The following FBXO4 variants were observed in gnomAD, a reference collection of about 807,000 sequenced individuals.
FBXO4 encodes F-box protein 4, also known as F-box only protein 4.
In FBXO4, 36 loss-of-function variants were observed where a neutral mutation model predicts 43.7. That is an observed-to-expected ratio of 0.82 (90% confidence interval 0.63 to 1.09). FBXO4 has a LOEUF of 1.09. Ranked by LOEUF, FBXO4 falls within the 50% of genes least tolerant of loss-of-function variation. The pLI is 0.00. For synonymous variants in FBXO4, 180 were observed against 165.6 expected (o/e 1.09, Z -0.67); for missense variants, 435 against 474.1 (o/e 0.92, Z 0.77).
the FBXO4 span, among the ~76,000 whole-genome samples, chr5:42,030,344 C>T: frequency 2.0e-4 from 31 of 152,086 alleles, no homozygotes; most frequent in Non-Finnish European, 4.0e-4. Context: ...CTGACAAAAA[C>T]AAGAAATGGG....
chr5:41,988,938 A>G, the FBXO4 span, among the ~76,000 whole-genome samples: 2 of 152,222 alleles, frequency 1.3e-5, no homozygotes, highest in East Asian at 3.8e-4. Context: ...AAAGCTGTGG[A>G]AAGCACTTAA....
At chr5:41,979,423 G>T in the FBXO4 span, among the ~76,000 whole-genome samples, 4 of 152,140 alleles carry the variant, frequency 2.6e-5, no homozygotes, top group African/African-American at 9.7e-5. Context: ...ACCTACCACT[G>T]ATTATGTTAT....
At chr5:42,019,307 A>G in the FBXO4 span, among the ~76,000 whole-genome samples, 3 of 152,206 alleles carry the variant, frequency 2.0e-5, no homozygotes, top group African/African-American at 7.2e-5. Context: ...TATATAGATT[A>G]CATGATGAAA....
the FBXO4 span, among the ~76,000 whole-genome samples, chr5:41,955,336 T>C: frequency 6.6e-6 from 1 of 152,168 alleles, no homozygotes; most frequent in Non-Finnish European, 1.5e-5. Context: ...TAAAAAAGAA[T>C]GATACAAAGA....
chr5:42,032,038 ACT>A, the FBXO4 span, among the ~76,000 whole-genome samples: 2 of 114,496 alleles, frequency 1.7e-5, no homozygotes, highest in South Asian at 3.1e-4. Context: ...TCTCTCTCTC[ACT>A]CTCTCTGTCT....
the FBXO4 span, among the ~76,000 whole-genome samples, chr5:41,961,115 A>G: frequency 5.5e-4 from 83 of 152,134 alleles, no homozygotes; most frequent in African/African-American, 1.9e-3. Context: ...CGTGGGGTGC[A>G]GTGATTTGTC....
chr5:41,964,324 C>T, the FBXO4 span, among the ~76,000 whole-genome samples: 7 of 151,660 alleles, frequency 4.6e-5, no homozygotes, highest in African/African-American at 1.5e-4. Flanking sequence ...TTTTACTTTA[C>T]TTGAAAGTAT....
chr5:41,949,592 A>G, the FBXO4 span, among the ~76,000 whole-genome samples: 1 of 152,246 alleles, frequency 6.6e-6, no homozygotes, highest in Non-Finnish European at 1.5e-5. Context: ...AAAATATTCC[A>G]TGCTCATGGA....
At chr5:41,929,669 A>C (rs1371547485) in intron 2 of FBXO4, 28 bp from the exon 3 acceptor site, 17 of 1,517,242 alleles carry the variant, frequency 1.1e-5, no homozygotes, top group Non-Finnish European at 1.5e-5. Context: ...TTCTGTGTTA[A>C]TGTTCTAATT....
At chr5:41,971,205 GGTGTGTGTGT>G in the FBXO4 span, among the ~76,000 whole-genome samples, 1 of 147,368 alleles carries the variant, frequency 6.8e-6, no homozygotes, top group African/African-American at 2.5e-5. Context: ...ACTAGAGAGA[GGTGTGTGTGT>G]GTGTGTGTGT....
At chr5:42,011,317 C>T in the FBXO4 span, among the ~76,000 whole-genome samples, 2 of 152,082 alleles carry the variant, frequency 1.3e-5, no homozygotes, top group Admixed American at 6.6e-5. Context: ...CTAGCTCTCT[C>T]GGGACTGCAT....
chr5:41,937,601 T>C (rs1361364407), intron 5 of FBXO4, among the ~76,000 whole-genome samples: 1 of 152,188 alleles, frequency 6.6e-6, no homozygotes, highest in East Asian at 1.9e-4. Flanking sequence ...CCTAAATCCC[T>C]ATTCTCCCAA....
the FBXO4 span, among the ~76,000 whole-genome samples, chr5:42,037,922 ACTC>A: frequency 6.7e-6 from 1 of 148,688 alleles, no homozygotes. Flanking sequence ...CCATCATTAA[ACTC>A]CTCTTCTGCT....
At chr5:42,000,308 T>G in the FBXO4 span, among the ~76,000 whole-genome samples, 1 of 152,184 alleles carries the variant, frequency 6.6e-6, no homozygotes, top group Non-Finnish European at 1.5e-5. Flanking sequence ...GGCACAGACA[T>G]CTCTTTAAGA....
chr5:41,941,386 T>C lies in FBXO4; in HGVS notation c.*105T>C. 2.3e-6 allele frequency: 2 copies of C among 871,428 alleles called. No homozygotes were observed. The highest frequency in any genetic ancestry group is 3.8e-6 in the Non-Finnish European group (2 of 529,970). The allele number at this position is 871,428 out of a possible 1,614,324, so 54.0% of individuals were successfully genotyped here. ...CCACCTTGTCCTGCCTTTTTGCAGATAGGCTTTCATTTGGACAGCTATAAC... is the reference window on the plus strand; with the variant it reads ...CCACCTTGTCCTGCCTTTTTGCAGACAGGCTTTCATTTGGACAGCTATAAC... On this transcript the variant is annotated 3_prime_UTR_variant, in exon 7 of 7. Coordinates refer to ENST00000281623, the MANE Select transcript of FBXO4 (RefSeq NM_012176.3).
At chr5:41,985,186 T>G in the FBXO4 span, among the ~76,000 whole-genome samples, 1 of 152,218 alleles carries the variant, frequency 6.6e-6, no homozygotes, top group Non-Finnish European at 1.5e-5. Context: ...TCCTACTAAA[T>G]ATTCTAAATG....
chr5:41,946,372 A>G (rs1359942328), downstream of FBXO4, among the ~76,000 whole-genome samples: 6 of 152,256 alleles, frequency 3.9e-5, no homozygotes, highest in Non-Finnish European at 7.3e-5. Context: ...AAAAGGGCAT[A>G]AATCACAATT....
intron 5 of FBXO4, chr5:41,934,842 A>AT (rs1209199587): frequency 1.0e-6 from 1 of 988,170 alleles, no homozygotes; most frequent in Non-Finnish European, 1.2e-6. Flanking sequence ...TCAGAATGCT[A>AT]TTTTTGTGTG....
chr5:42,034,060 C>G, the FBXO4 span, among the ~76,000 whole-genome samples: 1 of 152,138 alleles, frequency 6.6e-6, no homozygotes, highest in East Asian at 1.9e-4. Flanking sequence ...GCCATTCTGA[C>G]TGGTATAAGA....
Sources: allele counts gnomAD v4.1 joint callset (sites outside exome capture counted in the v4.1 genomes callset), GRCh38; gene constraint gnomAD v4.1.1; transcripts MANE v1.5; gene names NCBI Gene and HGNC (gene_info 2026-07-23, HGNC 2026-07-21).